Variants in USP15 observed in about 807,000 individuals in gnomAD.
USP15 encodes ubiquitin specific peptidase 15.
Under a neutral mutation model 127.1 loss-of-function variants are expected in USP15, and 18 were observed. That is an observed-to-expected ratio of 0.14 (90% confidence interval 0.10 to 0.21). The LOEUF (loss-of-function observed/expected upper bound fraction) is 0.21, where lower values mean the gene tolerates loss of function less well. Ranked by LOEUF, USP15 falls within the 10% of genes least tolerant of loss-of-function variation. The pLI is 1.00. For missense variants in USP15, 805 were observed against 1,159.9 expected (o/e 0.69, Z 4.44); for synonymous variants, 364 against 393.7 (o/e 0.92, Z 0.89).
intron 8 of USP15, among the ~76,000 whole-genome samples, chr12:62,370,644 G>C (rs2066633037): frequency 6.6e-6 from 1 of 152,072 alleles, no homozygotes; most frequent in African/African-American, 2.4e-5. Context: ...TATAGAAATT[G>C]CTTTTGATTA....
intron 8 of USP15, among the ~76,000 whole-genome samples, chr12:62,371,289 A>T (rs1165499783): frequency 6.6e-6 from 1 of 152,144 alleles, no homozygotes; most frequent in Admixed American, 6.5e-5. Context: ...TGCGTTTTTC[A>T]TACTTTCTCT....
chr12:62,273,099 CTTTA>C (rs2063382595), intron 1 of USP15, among the ~76,000 whole-genome samples: 1 of 152,122 alleles, frequency 6.6e-6, no homozygotes, highest in Admixed American at 6.6e-5. Context: ...TAAACTCCAA[CTTTA>C]TTTAGTCATT....
intron 1 of USP15, among the ~76,000 whole-genome samples, chr12:62,270,244 A>T (rs1048863734): frequency 6.3e-4 from 96 of 152,186 alleles, no homozygotes; most frequent in African/African-American, 2.1e-3. Context: ...ATTGCATTGT[A>T]AAAGTTCTCT....
Position 62,391,822 on chromosome 12 carries a change from C to G in USP15, c.2240C>G (p.Ser747Cys), listed in dbSNP as rs1033026052. The G allele has an allele frequency of 1.2e-6, 2 of 1,605,492 alleles. No homozygotes were observed. The highest frequency in any genetic ancestry group is 2.7e-5 in the African/African-American group (2 of 74,642). Residue 747 changes from serine (S) to cysteine (C), a missense_variant, in exon 17 of 22, where the codon TCT (serine) becomes TGT (cysteine). Ser to Cys is a moderately radical substitution (Grantham distance 112, BLOSUM62 -1). This residue lies in a region of USP15 where 225 missense variants were observed against 239.5 expected (regional missense o/e 0.94). Coordinates refer to ENST00000280377, the MANE Select transcript of USP15 (RefSeq NM_001252078.2). ...DDRQLRLDERSFLALDWDPDL... is the reference protein window; with the variant it reads ...DDRQLRLDERCFLALDWDPDL... ...AATATGTTTTCCACCTTAGAAAGATCTTTTCTTGCTTTGGATTGGGATCCT... is the reference window on the plus strand; with the variant it reads ...AATATGTTTTCCACCTTAGAAAGATGTTTTCTTGCTTTGGATTGGGATCCT...
chr12:62,308,653 T>C (rs186793467), intron 3 of USP15, among the ~76,000 whole-genome samples: 3 of 152,262 alleles, frequency 2.0e-5, no homozygotes, highest in Admixed American at 6.5e-5. Flanking sequence ...TTAACCACCA[T>C]AACCTAATTG....
intron 6 of USP15, among the ~76,000 whole-genome samples, chr12:62,348,789 T>A (rs2065890724): frequency 6.6e-6 from 1 of 152,174 alleles, no homozygotes; most frequent in African/African-American, 2.4e-5. Context: ...TTGCCTTAAA[T>A]TTTTAAAAAT....
chr12:62,289,401 T>C (rs1288671206), intron 1 of USP15, among the ~76,000 whole-genome samples: 2 of 152,166 alleles, frequency 1.3e-5, no homozygotes, highest in Non-Finnish European at 2.9e-5. Context: ...GTAGTGATGC[T>C]CATAGTAGTC....
At chr12:62,399,556 G>T (rs912965183) in intron 20 of USP15, among the ~76,000 whole-genome samples, 1 of 152,086 alleles carries the variant, frequency 6.6e-6, no homozygotes, top group Non-Finnish European at 1.5e-5. Context: ...CATCCATTCT[G>T]TCGCATTCTT....
intron 4 of USP15, among the ~76,000 whole-genome samples, chr12:62,316,751 A>G (rs971220458): frequency 1.3e-5 from 2 of 152,122 alleles, no homozygotes; most frequent in African/African-American, 2.4e-5. Context: ...ACTCAGGAAA[A>G]TCAGCAACTG....
Position 62,391,279 on chromosome 12 carries a change from T to C in USP15, c.2083T>C (p.Cys695Arg). The change falls in exon 16 of 22, where the codon TGT becomes CGT. Residue 695 changes from cysteine (C) to arginine (R), a missense_variant. By Grantham distance (180) the Cys-to-Arg change is radical. Around this residue, in one of 11 missense-constraint regions of USP15, gnomAD observed 225 missense variants for 239.5 expected, o/e 0.94. Transcript: ENST00000280377. ...AGATAATGATTCTGAAAATGGATTA[T>C]GTACTGAGGATACTTGCAAAGGTCA... ...GGDNDSENGL[C>R]TEDTCKGQLT... is the part of the protein sequence containing the mutation. 1 of 1,613,608 alleles carries C rather than the reference T, an allele frequency of 6.2e-7. No homozygotes were observed. Among genetic ancestry groups the C allele is most frequent in the Non-Finnish European group, 8.5e-7 (1 of 1,179,724 alleles).
chr12:62,400,728 G>A (rs909115947), intron 20 of USP15, among the ~76,000 whole-genome samples: 2 of 151,878 alleles, frequency 1.3e-5, no homozygotes, highest in Middle Eastern at 3.2e-3. Context: ...ACAGATCTAG[G>A]TTTAAATCCT....
At chr12:62,325,772 AC>A in intron 5 of USP15, 99 bp from the exon 6 acceptor site, 1 of 959,534 alleles carries the variant, frequency 1.0e-6, no homozygotes. Context: ...TTAAATAATC[AC>A]AGAGTTACTT....
intron 1 of USP15, among the ~76,000 whole-genome samples, chr12:62,285,626 T>C (rs1386778052): frequency 6.6e-6 from 1 of 152,180 alleles, no homozygotes; most frequent in Non-Finnish European, 1.5e-5. Context: ...GGCTGAGTAG[T>C]ATTCCATGGT....
intron 8 of USP15, among the ~76,000 whole-genome samples, chr12:62,375,011 A>G (rs909264487): frequency 2.0e-5 from 3 of 152,096 alleles, no homozygotes; most frequent in African/African-American, 4.8e-5. Context: ...CCATTCAAAT[A>G]TTTTTATAAA....
chr12:62,400,628 AC>A (rs1254379588), intron 20 of USP15, among the ~76,000 whole-genome samples: 2 of 151,476 alleles, frequency 1.3e-5, no homozygotes, highest in Non-Finnish European at 1.5e-5. Context: ...AAAAAAAAAA[AC>A]ACTATAGCAT....
chr12:62,366,556 T>C (rs2066483889), intron 8 of USP15, among the ~76,000 whole-genome samples: 1 of 152,202 alleles, frequency 6.6e-6, no homozygotes, highest in African/African-American at 2.4e-5. Context: ...TTCTCTTGCC[T>C]AGTTGCCCTG....
At chr12:62,400,828 G>A (rs1451290745) in intron 20 of USP15, among the ~76,000 whole-genome samples, 1 of 151,960 alleles carries the variant, frequency 6.6e-6, no homozygotes, top group Non-Finnish European at 1.5e-5. Context: ...GAATAATAAT[G>A]ATAATACCTT....
chr12:62,364,038 GA>G (rs2066399891), intron 8 of USP15, among the ~76,000 whole-genome samples: 2 of 152,116 alleles, frequency 1.3e-5, no homozygotes, highest in Admixed American at 1.3e-4. Context: ...TTCTAGTATG[GA>G]ATGTAGATCA....
At chr12:62,383,291 CTT>C (rs1198207958) in intron 9 of USP15, among the ~76,000 whole-genome samples, 1 of 151,848 alleles carries the variant, frequency 6.6e-6, no homozygotes, top group African/African-American at 2.4e-5. Context: ...CAATGTATAA[CTT>C]TGTTTTGCAT....
Sources: gnomAD v4.1 joint callset for allele counts (sites outside exome capture counted in the v4.1 genomes callset) on GRCh38, gnomAD v4.1.1 for gene constraint, gnomAD v4.1.1 regional missense constraint, MANE v1.5 for transcripts, NCBI Gene and HGNC (gene_info 2026-07-23, HGNC 2026-07-21) for gene names.